Variants in ERCC6L2 observed in about 807,000 individuals in gnomAD.
The protein encoded by ERCC6L2 is ERCC excision repair 6 like 2, also known as DNA excision repair protein ERCC-6-like 2.
A neutral mutation model predicts 132.0 loss-of-function variants in ERCC6L2; 77 were observed. The observed-to-expected ratio is 0.58, with a 90% CI of 0.49 to 0.71. The LOEUF (loss-of-function observed/expected upper bound fraction) is 0.71. ERCC6L2 is among the 30% of genes least tolerant of loss of function. The pLI is 0.00. For missense variants in ERCC6L2, 1,542 were observed against 1,837.6 expected (o/e 0.84, Z 2.94); for synonymous variants, 583 against 632.4 (o/e 0.92, Z 1.17).
rs1830389921 is a variant in ERCC6L2 at position 95,932,624 on chromosome 9, T to TAA, written c.1751+3761_1751+3762insAA. 2.0e-5 allele frequency among the ~76,000 whole-genome samples: 3 copies of TAA among 152,194 alleles called. No individual in the cohort carries two copies. In the South Asian group the frequency reaches 6.2e-4, roughly 31 times the overall value. On this transcript the variant is annotated intron_variant, in intron 11 of 18. Coordinates refer to ENST00000653738, the MANE Select transcript of ERCC6L2 (RefSeq NM_020207.7). ...TATCCATAAACATGGTATCTCTTTA[T>TAA]ATTTATTTAGGTTTTCTTAGAAGCA...
At chr9:95,935,235 T>G (rs1179764106) in intron 11 of ERCC6L2, among the ~76,000 whole-genome samples, 3 of 152,142 alleles carry the variant, frequency 2.0e-5, no homozygotes, top group Non-Finnish European at 2.9e-5. Flanking sequence ...TCTTTAGAGA[T>G]AAGATTTTAT....
At chr9:95,925,958 T>C (rs931431482) in intron 9 of ERCC6L2, among the ~76,000 whole-genome samples, 1 of 151,970 alleles carries the variant, frequency 6.6e-6, no homozygotes, top group African/African-American at 2.4e-5. Context: ...AAGAAGATAA[T>C]AGAGATGGCA....
chr9:95,920,837 C>T (rs1829828848), intron 6 of ERCC6L2, among the ~76,000 whole-genome samples: 2 of 152,222 alleles, frequency 1.3e-5, no homozygotes, highest in South Asian at 2.1e-4. Context: ...AGTGCAGTGG[C>T]GTGATCTCAG....
Position 95,921,233 on chromosome 9 carries a change from CAG to C in ERCC6L2, c.1220_1221del (p.Glu407GlyfsTer10), listed in dbSNP as rs764007539. 1.2e-6 allele frequency: 2 copies of C among 1,613,368 alleles called. No homozygotes were observed. Among genetic ancestry groups the C allele is most frequent in the Non-Finnish European group, 1.7e-6 (2 of 1,179,454 alleles). ...GCTGTCTATCAAACAGTGTTAGAAA[CAG>C]AGGACGTGACTTTGATACTTCAATC... is the stretch of plus-strand genomic sequence containing the variant. On this transcript the variant is annotated frameshift_variant, in exon 7 of 19. Coordinates refer to ENST00000653738, the MANE Select transcript of ERCC6L2 (RefSeq NM_020207.7). LOFTEE classifies it high-confidence loss of function.
intron 13 of ERCC6L2, among the ~76,000 whole-genome samples, chr9:95,964,366 A>T (rs185879429): frequency 2.0e-5 from 3 of 152,166 alleles, no homozygotes; most frequent in African/African-American, 4.8e-5. Flanking sequence ...TTCTTTTTGC[A>T]CTTCTTTACT....
At chr9:96,002,270 G>A (rs775221311) in intron 17 of ERCC6L2, among the ~76,000 whole-genome samples, 51 of 152,356 alleles carry the variant, frequency 3.3e-4, no homozygotes, top group Non-Finnish European at 6.6e-4. Flanking sequence ...CTGCCAGCAC[G>A]CTGTCACCTC....
intron 6 of ERCC6L2, among the ~76,000 whole-genome samples, chr9:95,919,736 C>T (rs1471804700): frequency 1.3e-5 from 2 of 152,134 alleles, no homozygotes; most frequent in African/African-American, 2.4e-5. Context: ...AAAACTGTGT[C>T]CAGATGTGCA....
chr9:95,991,406 A>G (rs930694871), intron 17 of ERCC6L2, among the ~76,000 whole-genome samples: 5 of 152,184 alleles, frequency 3.3e-5, no homozygotes, highest in African/African-American at 1.2e-4. Context: ...CTGTATGGTG[A>G]AATGGGAAGT....
chr9:96,027,572 G>C (rs977432990), intron 19 of ERCC6L2: 2 of 152,080 alleles, frequency 1.3e-5, no homozygotes, highest in Non-Finnish European at 2.9e-5. Context: ...TGCGCCGGCC[G>C]GGCGGGTCCG....
chr9:95,899,590 T>TTATATATATATATATATATATATATATA (rs150595611), intron 3 of ERCC6L2, among the ~76,000 whole-genome samples: 3 of 138,398 alleles, frequency 2.2e-5, no homozygotes, highest in African/African-American at 8.4e-5. Flanking sequence ...TTTTTTCTCT[T>TTATATATATATATATATATATATATATA]TATATATATA....
At chr9:95,895,672 A>C (rs1828415622) in intron 2 of ERCC6L2, among the ~76,000 whole-genome samples, 1 of 151,890 alleles carries the variant, frequency 6.6e-6, no homozygotes, top group South Asian at 2.1e-4. Flanking sequence ...TAGTGACCTC[A>C]GAATATTATA....
chr9:95,899,472 A>G (rs1260103440), intron 3 of ERCC6L2, among the ~76,000 whole-genome samples: 1 of 152,130 alleles, frequency 6.6e-6, no homozygotes, highest in East Asian at 1.9e-4. Context: ...CAAGAATGAA[A>G]GAAAAGAAAG....
At chr9:95,970,438 C>A in intron 14 of ERCC6L2, 138 bp from the exon 15 acceptor site, 1 of 239,024 alleles carries the variant, frequency 4.2e-6, no homozygotes. Flanking sequence ...TGAAAAATAA[C>A]ATTAAGAATG....
intron 11 of ERCC6L2, among the ~76,000 whole-genome samples, chr9:95,938,696 G>A (rs965132283): frequency 7.2e-5 from 11 of 151,908 alleles, no homozygotes; most frequent in African/African-American, 2.7e-4. Context: ...TTCACTCTCA[G>A]CCTAGCTGTG....
chr9:95,938,892 A>G (rs1830674837), intron 11 of ERCC6L2, among the ~76,000 whole-genome samples: 1 of 151,414 alleles, frequency 6.6e-6, no homozygotes, highest in African/African-American at 2.4e-5. Context: ...TCTCTTATTC[A>G]GACATTTCTT....
chr9:95,962,852 T>C (rs1429940897), intron 13 of ERCC6L2, among the ~76,000 whole-genome samples: 1 of 152,166 alleles, frequency 6.6e-6, no homozygotes, highest in Non-Finnish European at 1.5e-5. Flanking sequence ...TTTATCTAGA[T>C]ATAGCCCCAT....
chr9:95,916,568 C>T (rs374446839), intron 6 of ERCC6L2, 134 bp downstream of exon 6: 241 of 647,490 alleles, frequency 3.7e-4, no homozygotes, highest in South Asian at 1.4e-3. Flanking sequence ...AAAATTGTTG[C>T]GCGCAGAATT....
chr9:95,995,580 C>T (rs942961970), intron 17 of ERCC6L2, among the ~76,000 whole-genome samples: 3 of 152,150 alleles, frequency 2.0e-5, no homozygotes, highest in African/African-American at 7.2e-5. Flanking sequence ...CATTTGATTG[C>T]ACTTTGTAGA....
chr9:95,913,673 C>A (rs1020535557), intron 4 of ERCC6L2, among the ~76,000 whole-genome samples: 69 of 152,234 alleles, frequency 4.5e-4, no homozygotes, highest in Admixed American at 4.5e-3. Context: ...CTGCTTCCAT[C>A]TCCAGTCCCT....
Sources: gnomAD v4.1 joint callset for allele counts (sites outside exome capture counted in the v4.1 genomes callset) on GRCh38, gnomAD v4.1.1 for gene constraint, MANE v1.5 for transcripts, NCBI Gene and HGNC (gene_info 2026-07-23, HGNC 2026-07-21) for gene names.